The following AFF3 variants were observed in gnomAD, a reference collection of about 807,000 sequenced individuals.
The protein encoded by AFF3 is AF4/FMR2 family member 3.
A neutral mutation model predicts 129.7 loss-of-function variants in AFF3; 32 were observed. The observed-to-expected ratio is 0.25, with a 90% CI of 0.19 to 0.33. The LOEUF is 0.33. Among genes scored for constraint, AFF3 ranks in the 10% least tolerant of loss-of-function variants. The probability of loss-of-function intolerance (pLI) is 1.00; values close to 1 mark genes in which losing one functional copy is unlikely to be tolerated. For synonymous variants in AFF3, 644 were observed against 635.4 expected (o/e 1.01, Z -0.20); for missense variants, 1,373 against 1,592.0 (o/e 0.86, Z 2.34).
chr2:100,062,390 T>C (rs1404610980), intron 4 of AFF3, among the ~76,000 whole-genome samples: 6 of 152,138 alleles, frequency 3.9e-5, no homozygotes, highest in Admixed American at 1.3e-4. Flanking sequence ...ATTATTATTG[T>C]TTTGTTGGGT....
chr2:99,819,004 C>T (rs1299740650), intron 8 of AFF3, among the ~76,000 whole-genome samples: 1 of 152,158 alleles, frequency 6.6e-6, no homozygotes, highest in East Asian at 1.9e-4. Flanking sequence ...TATCAACTAC[C>T]TATCAAATGA....
chr2:99,563,280 T>C (rs1177218456), intron 20 of AFF3, among the ~76,000 whole-genome samples: 1 of 151,584 alleles, frequency 6.6e-6, no homozygotes, highest in Non-Finnish European at 1.5e-5. Flanking sequence ...GAGCTCCGCC[T>C]TCCAGGTTCA....
At chr2:100,017,325 T>C (rs1313763419) in intron 4 of AFF3, among the ~76,000 whole-genome samples, 2 of 152,134 alleles carry the variant, frequency 1.3e-5, no homozygotes, top group African/African-American at 2.4e-5. Flanking sequence ...ATTTCTACCA[T>C]GGACTCCTCA....
At chr2:99,572,776 G>C in intron 18 of AFF3, 1 of 390,754 alleles carries the variant, frequency 2.6e-6, no homozygotes, top group Non-Finnish European at 5.1e-6. Context: ...AGTCAGTGAA[G>C]ACTATGGATG....
At chr2:99,592,089 T>C (rs1305019298) in intron 15 of AFF3, among the ~76,000 whole-genome samples, 1 of 152,218 alleles carries the variant, frequency 6.6e-6, no homozygotes, top group Non-Finnish European at 1.5e-5. Context: ...AAATTACTTA[T>C]GAAGATACAG....
At chr2:99,732,922 T>C (rs1008092948) in intron 10 of AFF3, among the ~76,000 whole-genome samples, 1 of 152,156 alleles carries the variant, frequency 6.6e-6, no homozygotes, top group South Asian at 2.1e-4. Context: ...GGTGTCTGCA[T>C]TTCTCTGAGC....
intron 7 of AFF3, among the ~76,000 whole-genome samples, chr2:99,866,284 G>A (rs938624837): frequency 3.3e-5 from 5 of 152,180 alleles, no homozygotes; most frequent in Admixed American, 2.6e-4. Flanking sequence ...AGCCAACATT[G>A]GCAAATTTAA....
chr2:99,766,260 A>G (rs1298157604), intron 8 of AFF3, among the ~76,000 whole-genome samples: 1 of 152,256 alleles, frequency 6.6e-6, no homozygotes, highest in Non-Finnish European at 1.5e-5. Flanking sequence ...ATCCTGCCGA[A>G]GGCACATGCC....
intron 14 of AFF3, among the ~76,000 whole-genome samples, chr2:99,600,450 C>T (rs1039863507): frequency 5.3e-5 from 8 of 152,058 alleles, no homozygotes; most frequent in Non-Finnish European, 1.2e-4. Flanking sequence ...TCCAAGGCAC[C>T]GCTATAAAAG....
At chr2:99,791,873 C>T (rs1012294495) in intron 8 of AFF3, among the ~76,000 whole-genome samples, 8 of 150,498 alleles carry the variant, frequency 5.3e-5, no homozygotes, top group African/African-American at 9.8e-5. Flanking sequence ...CCCCAGGCAT[C>T]GTGCTCAGTG....
At chr2:100,026,938 G>A (rs865989437) in intron 4 of AFF3, among the ~76,000 whole-genome samples, 2 of 151,880 alleles carry the variant, frequency 1.3e-5, no homozygotes, top group Middle Eastern at 3.4e-3. Flanking sequence ...GGGGAAGGGT[G>A]GGAGGGTGGC....
At position 99,859,737 on chromosome 2, in the gene AFF3, C is replaced by T. The variant is rs151186465; in HGVS notation, c.874-22213G>A. Among the ~76,000 whole-genome samples, 676 of 152,260 alleles carry T rather than the reference C, an allele frequency of 4.4e-3. 3 individuals are homozygous for T. The highest frequency in any genetic ancestry group is 0.015 in the African/African-American group (644 of 41,554). On this transcript the variant is annotated intron_variant, in intron 7 of 24. Coordinates refer to ENST00000672756, the MANE Select transcript of AFF3 (RefSeq NM_001386135.1). Reference sequence around the variant, plus strand: ...AATATTTTCAAAGCCTTTGTCTGAACAAGAGAAGAAGTTGCAAAATTCTGA... The same window carrying T: ...AATATTTTCAAAGCCTTTGTCTGAATAAGAGAAGAAGTTGCAAAATTCTGA...
At chr2:99,974,564 A>AC (rs1367053171) in intron 7 of AFF3, among the ~76,000 whole-genome samples, 1 of 152,180 alleles carries the variant, frequency 6.6e-6, no homozygotes, top group Admixed American at 6.5e-5. Context: ...CTCCTTTACT[A>AC]CCAGGGTGCT....
chr2:99,923,585 A>G (rs1383716389), intron 7 of AFF3, among the ~76,000 whole-genome samples: 1 of 152,308 alleles, frequency 6.6e-6, no homozygotes, highest in African/African-American at 2.4e-5. Flanking sequence ...ATGTAGAGTG[A>G]GGTCCAATGA....
rs1041629390 is a variant in AFF3, at chr2:100,010,676, C to T, written c.54-1744G>A. 3.9e-5 allele frequency among the ~76,000 whole-genome samples: 6 copies of T among 152,200 alleles called. No homozygotes were observed. In the South Asian group the frequency reaches 1.0e-3, roughly 26 times the overall value. On this transcript the variant is annotated intron_variant, in intron 4 of 24. Coordinates refer to ENST00000672756, the MANE Select transcript of AFF3 (RefSeq NM_001386135.1). ...CATCACGATCACTGATCACTAAGAA[C>T]TCTCTGGGGTGGCTGTGGTGACAGT...
intron 12 of AFF3, among the ~76,000 whole-genome samples, chr2:99,652,617 C>T (rs897396903): frequency 2.0e-5 from 3 of 151,968 alleles, no homozygotes; most frequent in Non-Finnish European, 4.4e-5. Context: ...TGTGTTGAGC[C>T]GGGGTTGGAG....
intron 10 of AFF3, among the ~76,000 whole-genome samples, chr2:99,729,541 T>C (rs1679638262): frequency 6.6e-6 from 1 of 152,180 alleles, no homozygotes. Context: ...AAACTATTTT[T>C]GTCCTTCAGA....
intron 7 of AFF3, among the ~76,000 whole-genome samples, chr2:99,940,695 C>G (rs974786308): frequency 6.6e-6 from 1 of 152,210 alleles, no homozygotes; most frequent in African/African-American, 2.4e-5. Flanking sequence ...CAGCAGCCCT[C>G]AGGGCTGCTC....
Position 99,672,248 on chromosome 2 carries a change from G to GA in AFF3, c.1143+289dup, listed in dbSNP as rs1281740761. 1.5e-4 allele frequency among the ~76,000 whole-genome samples: 18 copies of GA among 119,710 alleles called. 1 individual carries two copies. The highest frequency in any genetic ancestry group is 2.0e-4 in the African/African-American group (7 of 35,156). The allele number at this position is 119,710 out of a possible 152,430, so 78.5% of individuals were successfully genotyped here. A position where few individuals can be genotyped will look rare whatever the true frequency, so the allele number is the denominator to read the frequency against. Reference sequence around the variant, plus strand: ...CACACACACATGAATAAATAAAAAAGAAAAAAAAAAGGCTCTGTCTACTTC... The same window carrying GA: ...CACACACACATGAATAAATAAAAAAGAAAAAAAAAAAGGCTCTGTCTACTTC... On this transcript the variant is annotated intron_variant, in intron 12 of 24. Transcript: ENST00000672756.
Sources: allele counts gnomAD v4.1 joint callset (sites outside exome capture counted in the v4.1 genomes callset), GRCh38; gene constraint gnomAD v4.1.1; transcripts MANE v1.5; gene names NCBI Gene and HGNC (gene_info 2026-07-23, HGNC 2026-07-21).